The following M1AP variants were observed in gnomAD, a reference collection of about 807,000 sequenced individuals.
M1AP encodes the protein meiosis 1 arrest protein.
Under a neutral mutation model 51.2 loss-of-function variants are expected in M1AP, and 39 were observed. The ratio of observed to expected loss-of-function variants is 0.76; its 90% CI spans 0.59 to 1.00. The LOEUF is 1.00. Ranked by LOEUF, M1AP falls within the 50% of genes least tolerant of loss-of-function variation. The probability of loss-of-function intolerance (pLI) is 0.00; values close to 1 mark genes in which losing one functional copy is unlikely to be tolerated. For missense variants in M1AP, 545 were observed against 641.2 expected (o/e 0.85, Z 1.62); for synonymous variants, 251 against 249.2 (o/e 1.01, Z -0.07).
intron 1 of M1AP, among the ~76,000 whole-genome samples, chr2:74,644,533 G>A (rs1267160911): frequency 8.4e-5 from 12 of 142,746 alleles, no homozygotes; most frequent in African/African-American, 2.9e-4. Context: ...GCGAGACCCC[G>A]TCTCAAAAAA....
chr2:74,561,747 C>T (rs1678027434), intron 8 of M1AP, among the ~76,000 whole-genome samples: 1 of 152,158 alleles, frequency 6.6e-6, no homozygotes, highest in African/African-American at 2.4e-5. Flanking sequence ...CAAAACCAAA[C>T]CAAACAAGCG....
At chr2:74,646,242 T>C (rs1459734277) in intron 1 of M1AP, among the ~76,000 whole-genome samples, 2 of 151,872 alleles carry the variant, frequency 1.3e-5, no homozygotes, top group African/African-American at 4.8e-5. Flanking sequence ...TGATGTTTTA[T>C]AAAAACAAAA....
At chr2:74,600,743 TTA>T (rs1312690218) in intron 4 of M1AP, among the ~76,000 whole-genome samples, 1 of 152,158 alleles carries the variant, frequency 6.6e-6, no homozygotes, top group Admixed American at 6.5e-5. Flanking sequence ...TTTTATAATA[TTA>T]TGTTACATGA....
chr2:74,605,943 G>A (rs1051485970), intron 4 of M1AP, among the ~76,000 whole-genome samples: 5 of 152,080 alleles, frequency 3.3e-5, no homozygotes, highest in Non-Finnish European at 7.4e-5. Context: ...ACTTCCTCAG[G>A]CGGCACCAGA....
chr2:74,559,190 G>GTTTTTTTTTTTTTTT (rs1677734123), intron 10 of M1AP, among the ~76,000 whole-genome samples: 1 of 149,722 alleles, frequency 6.7e-6, no homozygotes. Context: ...ACAGGATCTT[G>GTTTTTTTTTTTTTTT]CTCTGTTACC....
At chr2:74,616,419 T>C (rs116320645) in intron 2 of M1AP, among the ~76,000 whole-genome samples, 2,077 of 152,322 alleles carry the variant, frequency 0.014, 27 homozygotes, top group Non-Finnish European at 0.023. Flanking sequence ...GCCATGGTGA[T>C]TTGATACTCA....
At chr2:74,593,028 T>C (rs1302178603) in intron 4 of M1AP, among the ~76,000 whole-genome samples, 2 of 152,220 alleles carry the variant, frequency 1.3e-5, no homozygotes, top group Non-Finnish European at 2.9e-5. Context: ...ATGGGGCTGA[T>C]TTCAGATAGA....
intron 2 of M1AP, chr2:74,615,459 TG>T (rs1383009703): frequency 2.0e-5 from 6 of 302,432 alleles, no homozygotes; most frequent in African/African-American, 6.4e-5. Context: ...AGTTTTACTT[TG>T]GGGTGACCTG....
intron 8 of M1AP, among the ~76,000 whole-genome samples, chr2:74,561,091 A>AGGAGGAGGAGGAGG (rs1677909260): frequency 3.3e-4 from 16 of 47,866 alleles, no homozygotes; most frequent in Non-Finnish European, 4.1e-4. Flanking sequence ...GGAGGAGGAG[A>AGGAGGAGGAGGAGG]AGGAGAAGGA....
intron 5 of M1AP, among the ~76,000 whole-genome samples, chr2:74,579,616 AT>A (rs1327831516): frequency 2.0e-5 from 3 of 151,712 alleles, no homozygotes; most frequent in East Asian, 3.9e-4. Context: ...TCTAAGACAC[AT>A]TTTTTTTCAT....
chr2:74,579,902 G>A (rs1313147873), intron 5 of M1AP, among the ~76,000 whole-genome samples: 1 of 152,062 alleles, frequency 6.6e-6, no homozygotes, highest in Non-Finnish European at 1.5e-5. Context: ...TGAACTCCTG[G>A]GTGCAAGTGA....
At chr2:74,647,450 T>A (rs1005380086) in intron 1 of M1AP, 1 of 947,928 alleles carries the variant, frequency 1.1e-6, no homozygotes, top group Non-Finnish European at 1.3e-6. Flanking sequence ...TAAGGCACTT[T>A]CGTCTTCGTG....
intron 1 of M1AP, among the ~76,000 whole-genome samples, chr2:74,647,757 G>A (rs1036805930): frequency 2.0e-5 from 3 of 152,184 alleles, no homozygotes; most frequent in Non-Finnish European, 4.4e-5. Flanking sequence ...AGCCAGGCGT[G>A]GTGGCGGGAG....
At chr2:74,609,260 C>G (rs1297230640) in intron 3 of M1AP, among the ~76,000 whole-genome samples, 1 of 152,182 alleles carries the variant, frequency 6.6e-6, no homozygotes, top group African/African-American at 2.4e-5. Flanking sequence ...CTCTGTACTT[C>G]TATGAGATCA....
At chr2:74,629,169 G>A (rs149467021) in intron 2 of M1AP, among the ~76,000 whole-genome samples, 1 of 152,328 alleles carries the variant, frequency 6.6e-6, no homozygotes, top group East Asian at 1.9e-4. Context: ...AGATGAACAT[G>A]ATCATAAGAT....
At chr2:74,569,786 G>A (rs1393145992) in intron 7 of M1AP, among the ~76,000 whole-genome samples, 1 of 152,152 alleles carries the variant, frequency 6.6e-6, no homozygotes, top group Non-Finnish European at 1.5e-5. Flanking sequence ...ACTACATTAT[G>A]TCAGAGAGGC....
intron 4 of M1AP, among the ~76,000 whole-genome samples, chr2:74,586,129 G>C (rs1309309619): frequency 6.6e-6 from 1 of 152,182 alleles, no homozygotes; most frequent in Non-Finnish European, 1.5e-5. Flanking sequence ...CCTCCTTCAT[G>C]AAGTCTGCCA....
At chr2:74,622,879 G>C (rs992428790) in intron 2 of M1AP, among the ~76,000 whole-genome samples, 3 of 150,834 alleles carry the variant, frequency 2.0e-5, no homozygotes, top group Non-Finnish European at 4.4e-5. Flanking sequence ...GTTTAGTGAA[G>C]GGTAGAGATA....
intron 7 of M1AP, among the ~76,000 whole-genome samples, chr2:74,563,252 TAGAC>T (rs917338357): frequency 6.6e-5 from 10 of 151,794 alleles, no homozygotes; most frequent in Middle Eastern, 3.4e-3. Flanking sequence ...GATTGATAGA[TAGAC>T]AGACAGATAG....
Sources: gnomAD v4.1 joint callset for allele counts (sites outside exome capture counted in the v4.1 genomes callset) on GRCh38, gnomAD v4.1.1 for gene constraint, MANE v1.5 for transcripts, NCBI Gene and HGNC (gene_info 2026-07-23, HGNC 2026-07-21) for gene names.